The following CNIH3 variants were observed in gnomAD, a reference collection of about 807,000 sequenced individuals.
The protein encoded by CNIH3 is protein cornichon homolog 3.
Under a neutral mutation model 24.1 loss-of-function variants are expected in CNIH3, and 14 were observed. That is an observed-to-expected ratio of 0.58 (90% CI 0.38 to 0.91). The LOEUF (loss-of-function observed/expected upper bound fraction) is 0.91, where lower values mean the gene tolerates loss of function less well. Ranked by LOEUF, CNIH3 falls within the 40% of genes least tolerant of loss-of-function variation. CNIH3 has a pLI of 0.00. For synonymous variants in CNIH3, 68 were observed against 73.8 expected, an observed-to-expected ratio of 0.92 and a Z score of 0.40; for missense variants, 178 against 196.8, an observed-to-expected ratio of 0.90 and a Z score of 0.57.
intron 1 of CNIH3, among the ~76,000 whole-genome samples, chr1:224,495,588 T>C (rs1677406118): frequency 6.6e-6 from 1 of 152,102 alleles, no homozygotes; most frequent in African/African-American, 2.4e-5. Context: ...CTTACAGCAG[T>C]GGTGTCACAA....
At chr1:224,473,006 C>G (rs1676428558) in intron 1 of CNIH3, among the ~76,000 whole-genome samples, 1 of 152,104 alleles carries the variant, frequency 6.6e-6, no homozygotes, top group African/African-American at 2.4e-5. Context: ...GCTTATCTCT[C>G]ATTGGCAGGA....
chr1:224,579,406 G>T, intron 4 of CNIH3, among the ~76,000 whole-genome samples: 2 of 152,234 alleles, frequency 1.3e-5, no homozygotes, highest in East Asian at 3.9e-4. Context: ...GTTTTACTAG[G>T]CTGGTCTGGC....
At position 224,730,452 on chromosome 1, in the gene CNIH3, C is replaced by T; in HGVS notation, c.199-10C>T. The T allele has an allele frequency of 3.9e-6, 6 of 1,535,446 alleles. No homozygotes were observed. The highest frequency in any genetic ancestry group is 5.3e-6 in the Non-Finnish European group (6 of 1,131,574). On this transcript the variant is annotated splice_polypyrimidine_tract_variant and intron_variant, in intron 3 of 5. Transcript: ENST00000272133. ...TCTAACTCAGGGCCGTGTCTCTGCT[C>T]CCTCTTCAGCTGGTGCTGCCAGAAT...
intron 5 of CNIH3, chr1:224,587,154 C>T (rs1681545776): frequency 6.6e-6 from 1 of 152,204 alleles, no homozygotes; most frequent in Non-Finnish European, 1.5e-5. Context: ...GTGGGATTCA[C>T]AATTTACACA....
At chr1:224,462,098 C>T (rs1293405017) in intron 1 of CNIH3, among the ~76,000 whole-genome samples, 2 of 152,100 alleles carry the variant, frequency 1.3e-5, no homozygotes, top group Non-Finnish European at 2.9e-5. Context: ...CATGTAAACC[C>T]TCCCCCATTA....
chr1:224,647,183 A>G (rs1684648013), intron 1 of CNIH3, among the ~76,000 whole-genome samples: 1 of 152,034 alleles, frequency 6.6e-6, no homozygotes, highest in Admixed American at 6.5e-5. Flanking sequence ...GGGTTTTACC[A>G]TGTTGGCCAG....
intron 2 of CNIH3, among the ~76,000 whole-genome samples, chr1:224,682,361 G>A (rs934590372): frequency 2.0e-5 from 3 of 152,180 alleles, no homozygotes; most frequent in African/African-American, 4.8e-5. Flanking sequence ...ACCCAGGCTT[G>A]CCTGTCTCCA....
chr1:224,509,885 G>A (rs1678070715), intron 1 of CNIH3, among the ~76,000 whole-genome samples: 1 of 152,198 alleles, frequency 6.6e-6, no homozygotes, highest in Non-Finnish European at 1.5e-5. Flanking sequence ...TGTCTCCCAG[G>A]GGCGAGCCCC....
intron 1 of CNIH3, among the ~76,000 whole-genome samples, chr1:224,624,086 A>G (rs578192677): frequency 6.6e-6 from 1 of 152,194 alleles, no homozygotes; most frequent in East Asian, 1.9e-4. Flanking sequence ...GCATTTTGCT[A>G]TTTGTGTATC....
At position 224,476,314 on chromosome 1, in the gene CNIH3, T is replaced by C. The variant is rs142325214; in HGVS notation, n.204-39427T>C. Among the ~76,000 whole-genome samples the C allele has an allele frequency of 2.0e-4, 30 of 152,268 alleles. 1 individual carries two copies. Among genetic ancestry groups the C allele is most frequent in the African/African-American group, 6.7e-4 (28 of 41,548 alleles). On this transcript the variant is annotated intron_variant and non_coding_transcript_variant, in intron 1 of 5. Transcript: ENST00000471578. ...TAGCCTTGTTTGCAGATAATACATCTAATATTCAGAAAAACCTAAAGACTC... is the reference window on the plus strand; with the variant it reads ...TAGCCTTGTTTGCAGATAATACATCCAATATTCAGAAAAACCTAAAGACTC...
chr1:224,508,912 T>A (rs1678024893), intron 1 of CNIH3, among the ~76,000 whole-genome samples: 2 of 152,212 alleles, frequency 1.3e-5, no homozygotes, highest in South Asian at 4.1e-4. Flanking sequence ...CTAAAGTAGT[T>A]TAGGGTTTAG....
intron 3 of CNIH3, among the ~76,000 whole-genome samples, chr1:224,716,416 A>AC: frequency 6.6e-6 from 1 of 152,288 alleles, no homozygotes; most frequent in East Asian, 1.9e-4. Flanking sequence ...CACCACCACT[A>AC]CCACATAGGA....
At chr1:224,438,968 G>A (rs969342422) in intron 1 of CNIH3, among the ~76,000 whole-genome samples, 9 of 152,186 alleles carry the variant, frequency 5.9e-5, no homozygotes, top group African/African-American at 2.2e-4. Context: ...ATGCAGAGGT[G>A]TAAGATGGTT....
chr1:224,520,886 C>T (rs3738367), intron 1 of CNIH3: 34,186 of 152,130 alleles, frequency 0.22, 4,197 homozygotes, highest in African/African-American at 0.33. Flanking sequence ...TTTATACATA[C>T]TGCATTCTGA....
intron 1 of CNIH3, among the ~76,000 whole-genome samples, chr1:224,636,595 G>C (rs764593107): frequency 7.9e-5 from 12 of 152,120 alleles, no homozygotes; most frequent in Non-Finnish European, 1.6e-4. Flanking sequence ...TTCCTTTAAG[G>C]AGCCAAATAA....
chr1:224,495,418 G>GA (rs1455135962), intron 1 of CNIH3, among the ~76,000 whole-genome samples: 1 of 152,086 alleles, frequency 6.6e-6, no homozygotes, highest in Non-Finnish European at 1.5e-5. Flanking sequence ...TTCCTTCCTG[G>GA]AAAAAAACGA....
chr1:224,579,590 A>G (rs1681185470), intron 4 of CNIH3, among the ~76,000 whole-genome samples: 1 of 152,210 alleles, frequency 6.6e-6, no homozygotes. Context: ...TGCAAACCTC[A>G]TGCTGAAATT....
intron 1 of CNIH3, among the ~76,000 whole-genome samples, chr1:224,678,619 G>C (rs1686250004): frequency 6.6e-6 from 1 of 152,020 alleles, no homozygotes; most frequent in African/African-American, 2.4e-5. Flanking sequence ...GTACTTAAAG[G>C]GGTTCTTTGT....
At chr1:224,679,143 C>T (rs1686276945) in intron 1 of CNIH3, among the ~76,000 whole-genome samples, 1 of 152,064 alleles carries the variant, frequency 6.6e-6, no homozygotes, top group Non-Finnish European at 1.5e-5. Flanking sequence ...AAACATGAAA[C>T]CCCATCTCCA....
Sources: allele counts gnomAD v4.1 joint callset (sites outside exome capture counted in the v4.1 genomes callset), GRCh38; gene constraint gnomAD v4.1.1; transcripts MANE v1.5; gene names NCBI Gene and HGNC (gene_info 2026-07-23, HGNC 2026-07-21).